The following CPA1 variants were observed in gnomAD, a reference collection of about 807,000 sequenced individuals.
CPA1 encodes carboxypeptidase A1 (pancreatic).
In CPA1, 42 loss-of-function variants were observed where a neutral mutation model predicts 48.7. That is an observed-to-expected ratio of 0.86 (90% CI 0.67 to 1.11). CPA1 has a LOEUF of 1.11. CPA1 is among the 50% of genes most tolerant of loss of function. The pLI is 0.00. For missense variants in CPA1, 477 were observed against 544.7 expected, an observed-to-expected ratio of 0.88 and a Z score of 1.24; for synonymous variants, 203 against 217.9, an observed-to-expected ratio of 0.93 and a Z score of 0.60.
In CPA1 at chr7:130,381,127, A is replaced by G; in HGVS notation, c.95A>G (p.Asp32Gly). The G allele has an allele frequency of 1.9e-6, 3 of 1,613,632 alleles. No homozygotes were observed. The highest frequency in any genetic ancestry group is 2.5e-6 in the Non-Finnish European group (3 of 1,179,818). Residue 32 changes from aspartate to glycine, a missense_variant, in exon 2 of 10, where the codon GAT becomes GGT. Transcript: ENST00000011292. Reference sequence around the variant, plus strand: ...CAGGTGCTCCGAATCTCTGTAGCCGATGAGGCCCAGGTACAGAAGGTGAAG... The same window carrying G: ...CAGGTGCTCCGAATCTCTGTAGCCGGTGAGGCCCAGGTACAGAAGGTGAAG... ...GHQVLRISVA[D>G]EAQVQKVKEL...
intron 4 of CPA1, 111 bp downstream of exon 4, chr7:130,382,320 T>C: frequency 1.3e-6 from 1 of 795,008 alleles, no homozygotes; most frequent in African/African-American, 1.7e-5. Flanking sequence ...CGCTGTTAAA[T>C]GGACTCCCCA....
At chr7:130,385,721 G>T in intron 8 of CPA1, 118 bp from the exon 9 acceptor site, 2 of 738,696 alleles carry the variant, frequency 2.7e-6, no homozygotes, top group East Asian at 2.7e-5. Flanking sequence ...CTCCCTGCTG[G>T]AGGCCCACTT....
intron 2 of CPA1, 53 bp downstream of exon 2, chr7:130,381,232 A>G: frequency 2.2e-6 from 3 of 1,356,850 alleles, no homozygotes; most frequent in Non-Finnish European, 3.1e-6. Flanking sequence ...AGCTGGGGCC[A>G]CCCCAGGTCC....
In CPA1 at chr7:130,381,126, G is replaced by C. The variant is rs375620015; in HGVS notation, c.94G>C (p.Asp32His). ...GHQVLRISVA[D>H]EAQVQKVKEL... ...TCAGGTGCTCCGAATCTCTGTAGCC[G>C]ATGAGGCCCAGGTACAGAAGGTGAA... Residue 32 changes from aspartate to histidine, a missense_variant, in exon 2 of 10, where the codon GAT (aspartate) becomes CAT (histidine). Asp to His is a moderately conservative substitution (Grantham distance 81, BLOSUM62 -1). Coordinates refer to ENST00000011292, the MANE Select transcript of CPA1 (RefSeq NM_001868.4). The C allele has an allele frequency of 5.6e-6, 9 of 1,613,618 alleles. No individual in the cohort carries two copies. The South Asian group carries it at 7.7e-5, about 14-fold the overall frequency.
Position 130,385,410 on chromosome 7 carries a change from C to G in CPA1, c.987+65C>G. The G allele has an allele frequency of 2.8e-6, 4 of 1,436,190 alleles. No individual in the cohort carries two copies. The South Asian group carries it at 4.6e-5, about 17-fold the overall frequency. The allele number at this position is 1,436,190 out of a possible 1,614,324, so 89.0% of individuals were successfully genotyped here. A position where few individuals can be genotyped will look rare whatever the true frequency, so the allele number is the denominator to read the frequency against. ...GGCTTCGGACAGGCCCAGGCTTTCC[C>G]CCATCAGACCTGCTTAAGGCACAGA... On this transcript the variant is annotated intron_variant, in intron 8 of 9. Transcript: ENST00000011292.
chr7:130,384,467 A>ACCC lies in CPA1; in HGVS notation c.697-65_697-63dup, dbSNP rs3043750. ...CTCTGCTCTCTGCAGCCTCTGAACC[A>ACCC]CCCCCCACCCAGCACTGTGACAAGC... On this transcript the variant is annotated intron_variant, in intron 6 of 9. Transcript: ENST00000011292. 8.6e-3 allele frequency: 11,797 copies of ACCC among 1,375,872 alleles called. 75 individuals carry two copies. Among genetic ancestry groups the ACCC allele is most frequent in the East Asian group, 0.011 (481 of 43,594 alleles). The allele number at this position is 1,375,872 out of a possible 1,614,324, so 85.2% of individuals were successfully genotyped here. A position where few individuals can be genotyped will look rare whatever the true frequency, so the allele number is the denominator to read the frequency against.
intron 7 of CPA1, 23 bp from the exon 8 acceptor site, chr7:130,385,123 C>T (rs1796455544): frequency 1.2e-6 from 2 of 1,612,678 alleles, no homozygotes; most frequent in Non-Finnish European, 1.7e-6. Flanking sequence ...AGCCACACCG[C>T]CATGCCCTCT....
At chr7:130,384,395 A>C in intron 6 of CPA1, 141 bp from the exon 7 acceptor site, 1 of 673,356 alleles carries the variant, frequency 1.5e-6, no homozygotes, top group South Asian at 1.8e-5. Flanking sequence ...CAATCAGGGC[A>C]CTTGTGTTGA....
At chr7:130,381,229 G>GA in intron 2 of CPA1, 50 bp downstream of exon 2, 3 of 1,394,528 alleles carry the variant, frequency 2.2e-6, no homozygotes, top group Non-Finnish European at 3.0e-6. Context: ...ATCAGCTGGG[G>GA]CCACCCCAGG....
At chr7:130,383,908 C>T in intron 6 of CPA1, 114 bp downstream of exon 6, 1 of 797,466 alleles carries the variant, frequency 1.3e-6, no homozygotes, top group Non-Finnish European at 2.2e-6. Context: ...GGCAATCAGA[C>T]CTGTGCTCCT....
intron 5 of CPA1, 22 bp from the exon 6 acceptor site, chr7:130,383,662 C>T (rs1554411542): frequency 2.5e-6 from 4 of 1,586,408 alleles, no homozygotes; most frequent in Non-Finnish European, 3.5e-6. Flanking sequence ...TGCGCTGCCC[C>T]TCTGCTCCTC....
At chr7:130,381,967 G>A (rs1409991557) in intron 3 of CPA1, 104 bp downstream of exon 3, 5 of 1,226,058 alleles carry the variant, frequency 4.1e-6, no homozygotes, top group Non-Finnish European at 5.8e-6. Flanking sequence ...TGTGCGCAGC[G>A]CCTGCTCTGT....
At chr7:130,385,073 A>T in intron 7 of CPA1, 73 bp from the exon 8 acceptor site, 1 of 1,488,784 alleles carries the variant, frequency 6.7e-7, no homozygotes, top group Non-Finnish European at 9.4e-7. Flanking sequence ...CCCCAACTCC[A>T]TGCAAAGAAC....
chr7:130,385,933 C>A lies in CPA1; in HGVS notation c.1072+10C>A. On this transcript the variant is annotated intron_variant, in intron 9 of 9. Coordinates refer to ENST00000011292, the MANE Select transcript of CPA1 (RefSeq NM_001868.4). ...ATCATCAAGGCAATTTGTAAGTGGCCGTAGGGTCTCTCTTGATGGGCCTGC... is the reference window on the plus strand; with the variant it reads ...ATCATCAAGGCAATTTGTAAGTGGCAGTAGGGTCTCTCTTGATGGGCCTGC... The A allele has an allele frequency of 6.2e-7, 1 of 1,609,824 alleles. No homozygotes were observed. The highest frequency in any genetic ancestry group is 1.1e-5 in the South Asian group (1 of 90,816).
In CPA1 at chr7:130,384,803, G is replaced by A. The variant is rs375797936; in HGVS notation, c.787+177G>A. On this transcript the variant is annotated intron_variant, in intron 7 of 9. Transcript: ENST00000011292. ...GTGCTCTGAGAGTTGGTTGTTACTC[G>A]CCTGCAAAAGGCAAGTTGCTTGCAA... 19 of 627,648 alleles carry A rather than the reference G, an allele frequency of 3.0e-5. No individual in the cohort carries two copies. The East Asian group carries it at 3.6e-4, about 12-fold the overall frequency. 38.9% of individuals were successfully genotyped at this position (627,648 alleles called of 1,614,324 possible).
Position 130,381,248 on chromosome 7 carries a change from G to A in CPA1, c.147+69G>A, listed in dbSNP as rs558847194. ...GCTGGGGCCACCCCAGGTCCCCAGC[G>A]GCCAACTGTGCCTGGGCTGTCTCCA... On this transcript the variant is annotated intron_variant, in intron 2 of 9. Coordinates refer to ENST00000011292, the MANE Select transcript of CPA1 (RefSeq NM_001868.4). 205 of 1,131,532 alleles carry A rather than the reference G, an allele frequency of 1.8e-4. 1 individual carries two copies. Among genetic ancestry groups the A allele is most frequent in the Middle Eastern group, 8.5e-4 (3 of 3,532 alleles). 70.1% of individuals were successfully genotyped at this position (1,131,532 alleles called of 1,614,324 possible).
At chr7:130,386,817 C>T (rs578146182) in intron 9 of CPA1, among the ~76,000 whole-genome samples, 7 of 152,118 alleles carry the variant, frequency 4.6e-5, no homozygotes, top group African/African-American at 1.4e-4. Context: ...TGTGAGGTGA[C>T]GAATGCTGGG....
At position 130,381,667 on chromosome 7, in the gene CPA1, C is replaced by T. The variant is rs1183443880; in HGVS notation, c.185C>T (p.Pro62Leu). 6.2e-7 allele frequency: 1 copy of T among 1,613,880 alleles called. No individual in the cohort carries two copies. Among genetic ancestry groups the T allele is most frequent in the East Asian group, 2.2e-5 (1 of 44,882 alleles). The change falls in exon 3 of 10, where the codon CCC becomes CTC. Residue 62 changes from proline to leucine, a missense_variant. Transcript: ENST00000011292. Reference sequence around the variant, plus strand: ...CGGGGGCCTGCCCACCCTGGCTCCCCCATCGACGTCCGAGTGCCCTTCCCC... The same window carrying T: ...CGGGGGCCTGCCCACCCTGGCTCCCTCATCGACGTCCGAGTGCCCTTCCCC... ...FWRGPAHPGS[P>L]IDVRVPFPSI...
chr7:130,382,373 C>T lies in CPA1; in HGVS notation c.483+164C>T, dbSNP rs563418702. ...GCCTGAGTCTCCACCCTGGTCTTGGCGTGTGCACTCCTGCCCATACACAAA... is the reference window on the plus strand; with the variant it reads ...GCCTGAGTCTCCACCCTGGTCTTGGTGTGTGCACTCCTGCCCATACACAAA... On this transcript the variant is annotated intron_variant, in intron 4 of 9. Transcript: ENST00000011292. Among the ~76,000 whole-genome samples, 2 of 152,270 alleles carry T rather than the reference C, an allele frequency of 1.3e-5. 1 individual carries two copies. The highest frequency in any genetic ancestry group is 4.1e-4 in the South Asian group (2 of 4,830).
Sources: gnomAD v4.1 joint callset for allele counts (sites outside exome capture counted in the v4.1 genomes callset) on GRCh38, gnomAD v4.1.1 for gene constraint, MANE v1.5 for transcripts, NCBI Gene and HGNC (gene_info 2026-07-23, HGNC 2026-07-21) for gene names.